The following CPS1 variants were observed in gnomAD, a reference collection of about 807,000 sequenced individuals.
CPS1 encodes the protein carbamoyl-phosphate synthase [ammonia], mitochondrial.
A neutral mutation model predicts 174.6 loss-of-function variants in CPS1; 109 were observed. That is an observed-to-expected ratio of 0.62 (90% CI 0.53 to 0.73). CPS1 has a LOEUF of 0.73. Among genes scored for constraint, CPS1 ranks in the 30% least tolerant of loss-of-function variants. CPS1 has a pLI of 0.00. For missense variants in CPS1, 1,689 were observed against 1,821.9 expected (o/e 0.93, Z 1.33); for synonymous variants, 637 against 632.0 (o/e 1.01, Z -0.12).
chr2:210,588,227 A>G, intron 7 of CPS1, 80 bp downstream of exon 7: 1 of 1,200,620 alleles, frequency 8.3e-7, no homozygotes, highest in Non-Finnish European at 1.2e-6. Flanking sequence ...TGTCACAGAG[A>G]AACTTATGCA....
rs560387450 is a variant in CPS1 at position 210,511,005 on chromosome 2, G to A, written c.3+33239G>A. ...TCAGGGATCTAGAACTAGAAATATCGTTTGACCCAGCCATCCCATTACTGG... is the reference window on the plus strand; with the variant it reads ...TCAGGGATCTAGAACTAGAAATATCATTTGACCCAGCCATCCCATTACTGG... On this transcript the variant is annotated intron_variant, in intron 1 of 38. Coordinates refer to the CPS1 transcript ENST00000430249. 4.0e-3 allele frequency among the ~76,000 whole-genome samples: 604 copies of A among 150,686 alleles called. 2 individuals carry two copies. Among genetic ancestry groups the A allele is most frequent in the Non-Finnish European group, 6.7e-3 (456 of 67,594 alleles).
intron 1 of CPS1, among the ~76,000 whole-genome samples, chr2:210,479,666 G>T (rs1322525714): frequency 6.6e-6 from 1 of 152,136 alleles, no homozygotes; most frequent in African/African-American, 2.4e-5. Flanking sequence ...TATGAATTTG[G>T]GGGGCAACAA....
At chr2:210,528,127 T>A (rs1185930734) in intron 1 of CPS1, among the ~76,000 whole-genome samples, 1 of 151,894 alleles carries the variant, frequency 6.6e-6, no homozygotes, top group Non-Finnish European at 1.5e-5. Flanking sequence ...AGACTTGAAG[T>A]AGTACTCAAT....
intron 1 of CPS1, among the ~76,000 whole-genome samples, chr2:210,543,537 G>C (rs182141857): frequency 2.0e-5 from 3 of 151,748 alleles, no homozygotes; most frequent in Non-Finnish European, 2.9e-5. Context: ...CAGTTTCCTC[G>C]GACTGTTTTA....
At chr2:210,571,698 A>C (rs918498320) in intron 1 of CPS1, among the ~76,000 whole-genome samples, 4 of 152,046 alleles carry the variant, frequency 2.6e-5, no homozygotes, top group Non-Finnish European at 5.9e-5. Flanking sequence ...TTGGATCTAA[A>C]AGAGGCATCT....
chr2:210,666,759 G>C (rs927743370), intron 33 of CPS1, among the ~76,000 whole-genome samples: 1 of 152,142 alleles, frequency 6.6e-6, no homozygotes, highest in Non-Finnish European at 1.5e-5. Context: ...GTCAGGTAGG[G>C]TGATGCCTCC....
At chr2:210,648,989 T>G (rs1700475922) in intron 27 of CPS1, among the ~76,000 whole-genome samples, 1 of 152,152 alleles carries the variant, frequency 6.6e-6, no homozygotes, top group South Asian at 2.1e-4. Flanking sequence ...ATTATAAGGG[T>G]GAGGAACAGG....
rs1373336146 is a variant in CPS1, at chr2:210,615,020, A to T, written c.2569-1403A>T. ...GCACGTCCTGCACATGTATCCCAGA[A>T]CTTAAAGTATATATATATATATAAA... On this transcript the variant is annotated intron_variant, in intron 20 of 37. Coordinates refer to ENST00000233072, the MANE Select transcript of CPS1 (RefSeq NM_001875.5). Among the ~76,000 whole-genome samples, 3 of 151,700 alleles carry T rather than the reference A, an allele frequency of 2.0e-5. No individual in the cohort carries two copies. In the East Asian group the frequency reaches 5.9e-4, roughly 30 times the overall value.
At chr2:210,588,487 G>A (rs1698181953) in intron 7 of CPS1, among the ~76,000 whole-genome samples, 1 of 152,000 alleles carries the variant, frequency 6.6e-6, no homozygotes, top group African/African-American at 2.4e-5. Context: ...CTGTCTGATA[G>A]CATCTCCTTT....
intron 1 of CPS1, among the ~76,000 whole-genome samples, chr2:210,482,987 A>C (rs1396832082): frequency 6.6e-6 from 1 of 152,202 alleles, no homozygotes; most frequent in Non-Finnish European, 1.5e-5. Flanking sequence ...AATATTGATC[A>C]ACCAGAAACT....
chr2:210,632,186 C>CA (rs1039951457), intron 21 of CPS1, among the ~76,000 whole-genome samples: 1 of 151,372 alleles, frequency 6.6e-6, no homozygotes, highest in Non-Finnish European at 1.5e-5. Context: ...CTAGTTTGAT[C>CA]AAAAAAACAA....
intron 1 of CPS1, among the ~76,000 whole-genome samples, chr2:210,540,280 C>A (rs776753191): frequency 2.0e-5 from 3 of 152,036 alleles, no homozygotes; most frequent in Non-Finnish European, 4.4e-5. Flanking sequence ...TCCAAACCAC[C>A]CAAAAGAAAT....
chr2:210,554,089 A>G (rs1696805018), upstream of CPS1, among the ~76,000 whole-genome samples: 1 of 146,680 alleles, frequency 6.8e-6, no homozygotes, highest in East Asian at 2.0e-4. Flanking sequence ...ATACATATGT[A>G]TATGTATGTA....
At position 210,560,800 on chromosome 2, in the gene CPS1, T is replaced by C. The variant is rs529868533; in HGVS notation, c.126+3941T>C. Among the ~76,000 whole-genome samples, 237 of 152,304 alleles carry C rather than the reference T, an allele frequency of 1.6e-3. 1 individual carries two copies. Among genetic ancestry groups the C allele is most frequent in the Non-Finnish European group, 2.8e-3 (193 of 68,020 alleles). ...TAGTCACAGGAAATATAACTCATTATCATATTGGAGCCTCTGTACACGTTA... is the reference window on the plus strand; with the variant it reads ...TAGTCACAGGAAATATAACTCATTACCATATTGGAGCCTCTGTACACGTTA... On this transcript the variant is annotated intron_variant, in intron 1 of 37. Transcript: ENST00000233072.
intron 1 of CPS1, among the ~76,000 whole-genome samples, chr2:210,501,657 C>G (rs1314019257): frequency 1.3e-5 from 2 of 152,186 alleles, no homozygotes; most frequent in African/African-American, 2.4e-5. Flanking sequence ...TTCCTCATCT[C>G]TATCTGAGAC....
rs374922944 is a variant in CPS1, at chr2:210,588,180, T to A, written c.711+33T>A. On this transcript the variant is annotated intron_variant, in intron 7 of 37. Transcript: ENST00000233072. The stretch of plus-strand genomic sequence containing the variant: ...ATTTGTTCATTTCAAAGGTGAGGGT[T>A]TGTCATATTGACCATTAGTGTTCAG... 7 of 1,571,898 alleles carry A rather than the reference T, an allele frequency of 4.5e-6. No homozygotes were observed. In the African/African-American group the frequency reaches 9.5e-5, roughly 21 times the overall value.
intron 1 of CPS1, among the ~76,000 whole-genome samples, chr2:210,570,866 C>G (rs549899035): frequency 4.6e-5 from 7 of 151,888 alleles, no homozygotes; most frequent in Non-Finnish European, 1.0e-4. Context: ...CTAATAAACA[C>G]ACTTCTATTC....
chr2:210,547,085 C>T (rs1054681735), intron 1 of CPS1, among the ~76,000 whole-genome samples: 50 of 151,994 alleles, frequency 3.3e-4, no homozygotes, highest in African/African-American at 1.0e-3. Context: ...CTGTTACTAG[C>T]GCTGCCCCAC....
chr2:210,624,199 A>T (rs941005209), intron 21 of CPS1, among the ~76,000 whole-genome samples: 2 of 152,114 alleles, frequency 1.3e-5, no homozygotes, highest in Middle Eastern at 3.2e-3. Context: ...ATGTCTTCTC[A>T]TATTACTACT....
Sources: gnomAD v4.1 joint callset for allele counts (sites outside exome capture counted in the v4.1 genomes callset) on GRCh38, gnomAD v4.1.1 for gene constraint, MANE v1.5 for transcripts, NCBI Gene and HGNC (gene_info 2026-07-23, HGNC 2026-07-21) for gene names.